Variants in CROCC2 observed in about 807,000 individuals in gnomAD.
CROCC2 encodes the protein ciliary rootlet coiled-coil protein 2.
CROCC2 carries 163 observed loss-of-function variants against 177.6 expected under a neutral mutation model. The observed-to-expected ratio is 0.92, with a 90% CI of 0.81 to 1.05. CROCC2 has a LOEUF of 1.05. CROCC2 is among the 50% of genes least tolerant of loss of function. The pLI is 0.00. For synonymous variants in CROCC2, 904 were observed against 787.3 expected, an observed-to-expected ratio of 1.15 and a Z score of -2.48; for missense variants, 1,929 against 1,797.8, an observed-to-expected ratio of 1.07 and a Z score of -1.32.
At chr2:240,959,672 A>C in intron 20 of CROCC2, 3 of 476,432 alleles carry the variant, frequency 6.3e-6, no homozygotes, top group Admixed American at 3.9e-5. Context: ...GGCAGATGAA[A>C]TGGTGCCTGG....
intron 28 of CROCC2, chr2:240,983,421 C>T: frequency 7.8e-7 from 1 of 1,282,516 alleles, no homozygotes; most frequent in Non-Finnish European, 1.0e-6. Context: ...GCGTCTTCGG[C>T]CCAGGTGCTC....
intron 15 of CROCC2, among the ~76,000 whole-genome samples, chr2:240,947,003 T>C (rs564617004): frequency 6.1e-4 from 93 of 152,380 alleles, no homozygotes; most frequent in African/African-American, 2.2e-3. Context: ...TGTAGGCTGT[T>C]GCCTGGTGAT....
intron 18 of CROCC2, among the ~76,000 whole-genome samples, chr2:240,952,511 T>A (rs2059563222): frequency 2.0e-5 from 3 of 152,244 alleles, no homozygotes. Flanking sequence ...GGTTGTGCAG[T>A]GCACCTGCTG....
rs1294494043 is a variant in CROCC2 at position 240,918,889 on chromosome 2, G to A, written c.229+13G>A. On this transcript the variant is annotated intron_variant, in intron 2 of 31. Coordinates refer to ENST00000690015, the MANE Select transcript of CROCC2 (RefSeq NM_001351305.2). The surrounding 1 kb of genome is among the most constrained non-coding windows in gnomAD (Gnocchi z 6.3). ...GAGCCACCCCAAGGTGATGGTGTGG[G>A]GGACAGTCCTGGGCCCGGGGCTGGC... The A allele has an allele frequency of 2.9e-6, 2 of 682,706 alleles. No individual in the cohort carries two copies. The highest frequency in any genetic ancestry group is 1.6e-5 in the South Asian group (1 of 63,644). 42.3% of individuals were successfully genotyped at this position (682,706 alleles called of 1,614,324 possible).
chr2:240,984,718 G>A (rs1321156312), intron 28 of CROCC2, among the ~76,000 whole-genome samples: 1 of 36,456 alleles, frequency 2.7e-5, no homozygotes, highest in African/African-American at 1.3e-4. Flanking sequence ...CACACACCCA[G>A]GCACTCAATC....
chr2:240,917,613 T>A lies in CROCC2; in HGVS notation c.79-1113T>A, dbSNP rs528198410. Among the ~76,000 whole-genome samples, 61 of 152,094 alleles carry A rather than the reference T, an allele frequency of 4.0e-4. No homozygotes were observed. The highest frequency in any genetic ancestry group is 7.4e-4 in the Non-Finnish European group (50 of 67,974). ...GGACCCCAGGGAGAGGGGTCCTCTG[T>A]GCTGGCGTGGGAGCCAGGCAAGGAG... On this transcript the variant is annotated intron_variant, in intron 1 of 31. Transcript: ENST00000690015. The surrounding 1 kb of genome is among the most constrained non-coding windows in gnomAD (Gnocchi z 4.9).
At chr2:240,935,098 A>G (rs1479510241) in intron 13 of CROCC2, 36 bp downstream of exon 13, 1 of 1,323,808 alleles carries the variant, frequency 7.6e-7, no homozygotes, top group Non-Finnish European at 9.7e-7. Flanking sequence ...CCTCGCTGGA[A>G]CCTGTTTCCC....
At chr2:240,983,419 G>A (rs556082765) in intron 28 of CROCC2, 3 of 1,283,130 alleles carry the variant, frequency 2.3e-6, no homozygotes, top group Admixed American at 2.4e-5. Flanking sequence ...CAGCGTCTTC[G>A]GCCCAGGTGC....
Position 240,949,074 on chromosome 2 carries a change from G to T in CROCC2, c.2459G>T (p.Gly820Val). 1.3e-6 allele frequency: 2 copies of T among 1,546,588 alleles called. No homozygotes were observed. Among genetic ancestry groups the T allele is most frequent in the Non-Finnish European group, 1.7e-6 (2 of 1,145,818 alleles). ...EQLEEEARSAGLARQALQVEM... is the reference protein window; with the variant it reads ...EQLEEEARSAVLARQALQVEM... The stretch of plus-strand genomic sequence containing the variant: ...CTGGAGGAGGAAGCCCGGAGCGCAG[G>T]ACTCGCGCGGCAGGCCTTGCAAGGT... Residue 820 changes from glycine (G) to valine (V), a missense_variant, in exon 16 of 32, where the codon GGA becomes GTA. This residue lies in a region of CROCC2 where 1,397 missense variants were observed against 1,239.9 expected (regional missense o/e 1.13). Coordinates refer to ENST00000690015, the MANE Select transcript of CROCC2 (RefSeq NM_001351305.2). The surrounding 1 kb of genome is among the most constrained non-coding windows in gnomAD (Gnocchi z 4.5).
chr2:240,962,997 A>T (rs566966634), intron 20 of CROCC2, among the ~76,000 whole-genome samples: 5 of 152,130 alleles, frequency 3.3e-5, no homozygotes, highest in Non-Finnish European at 5.9e-5. Flanking sequence ...CTCCCATGCC[A>T]ACGGGGGAAG....
At chr2:240,962,724 G>T (rs559844220) in intron 20 of CROCC2, among the ~76,000 whole-genome samples, 2 of 152,184 alleles carry the variant, frequency 1.3e-5, no homozygotes, top group African/African-American at 4.8e-5. Flanking sequence ...CACGAGAGCC[G>T]GAATGGAGCC....
At chr2:240,930,066 C>G (rs1574755709) in intron 5 of CROCC2, 100 bp from the exon 6 acceptor site, 1 of 520,252 alleles carries the variant, frequency 1.9e-6, no homozygotes, top group Non-Finnish European at 3.5e-6. Context: ...GGGTCCACTT[C>G]CAGCCCCCAT....
At chr2:240,976,113 C>A (rs1291142058) in intron 27 of CROCC2, among the ~76,000 whole-genome samples, 3 of 152,256 alleles carry the variant, frequency 2.0e-5, no homozygotes, top group African/African-American at 7.2e-5. Context: ...ACTGCAGCCC[C>A]ACATGCTGGC....
In CROCC2 at chr2:240,959,398, A is replaced by G; in HGVS notation, c.3041A>G (p.Glu1014Gly). The part of the protein sequence containing the change: ...AHQRETTALR[E>G]SLQDLAAERG... The stretch of plus-strand genomic sequence containing the variant: ...CAGAGGGAGACCACGGCCCTACGCG[A>G]GAGCCTCCAGGACCTAGCGGCTGAG... The change falls in exon 20 of 32, where the codon GAG (glutamate) becomes GGG (glycine). Residue 1014 changes from glutamate to glycine, a missense_variant. Physicochemically the swap from Glu to Gly is moderately conservative, Grantham distance 98. Around this residue, in one of 3 missense-constraint regions of CROCC2, gnomAD observed 1,397 missense variants for 1,239.9 expected, o/e 1.13. Transcript: ENST00000690015. The G allele has an allele frequency of 6.4e-7, 1 of 1,550,468 alleles. No homozygotes were observed. Among genetic ancestry groups the G allele is most frequent in the Non-Finnish European group, 8.7e-7 (1 of 1,146,894 alleles).
chr2:240,973,598 G>A lies in CROCC2; in HGVS notation c.4401+5336G>A, dbSNP rs2059738260. On this transcript the variant is annotated intron_variant, in intron 27 of 31. Transcript: ENST00000690015. The surrounding 1 kb of genome is among the most constrained non-coding windows in gnomAD (Gnocchi z 4.7). ...TGCCAGCCTTGCAGGTCACCCGCCT[G>A]TGGGGGCTCAACTCAGCGTCAGTCA... 6.6e-6 allele frequency among the ~76,000 whole-genome samples: 1 copy of A among 152,020 alleles called. No individual in the cohort carries two copies. Among genetic ancestry groups the A allele is most frequent in the African/African-American group, 2.4e-5 (1 of 41,402 alleles).
Position 240,922,563 on chromosome 2 carries a change from G to C in CROCC2, c.406G>C (p.Glu136Gln). 1 of 695,204 alleles carries C rather than the reference G, an allele frequency of 1.4e-6. No individual in the cohort carries two copies. Among genetic ancestry groups the C allele is most frequent in the Non-Finnish European group, 2.7e-6 (1 of 371,494 alleles). The allele number at this position is 695,204 out of a possible 1,614,324, so 43.1% of individuals were successfully genotyped here. A position where few individuals can be genotyped will look rare whatever the true frequency, so the allele number is the denominator to read the frequency against. The change falls in exon 4 of 32, where the codon GAG (glutamate) becomes CAG (glutamine). Residue 136 changes from glutamate (E) to glutamine (Q), a missense_variant. This residue lies in a region of CROCC2 where 1,397 missense variants were observed against 1,239.9 expected (regional missense o/e 1.13). Coordinates refer to ENST00000690015, the MANE Select transcript of CROCC2 (RefSeq NM_001351305.2). ...EQLQARLETT[E>Q]AQLRRSELEH... ...GCTGCAGGCCCGGCTGGAGACCACCGAGGCTCAGCTGCGGAGGTCAGAGCT... is the reference window on the plus strand; with the variant it reads ...GCTGCAGGCCCGGCTGGAGACCACCCAGGCTCAGCTGCGGAGGTCAGAGCT...
chr2:240,925,042 C>T (rs1166770001), intron 4 of CROCC2, among the ~76,000 whole-genome samples: 1 of 150,960 alleles, frequency 6.6e-6, no homozygotes, highest in Non-Finnish European at 1.5e-5. Flanking sequence ...CAGCCCTGCA[C>T]AGCAACCAAG....
intron 26 of CROCC2, 168 bp downstream of exon 26, chr2:240,967,633 C>T: frequency 1.0e-6 from 1 of 961,216 alleles, no homozygotes; most frequent in Non-Finnish European, 1.2e-6. Context: ...TGGGTCAGCG[C>T]TTGGCATCGG....
chr2:240,926,720 G>C (rs988601117), intron 5 of CROCC2, among the ~76,000 whole-genome samples: 26 of 152,252 alleles, frequency 1.7e-4, no homozygotes, highest in African/African-American at 6.3e-4. Context: ...CGCCCCCGAG[G>C]TCCCAGCCCC....
Sources: gnomAD v4.1 joint callset for allele counts (sites outside exome capture counted in the v4.1 genomes callset) on GRCh38, gnomAD v4.1.1 for gene constraint, gnomAD v4.1.1 regional missense constraint, Gnocchi (gnomAD v3.1) non-coding constraint, MANE v1.5 for transcripts, NCBI Gene and HGNC (gene_info 2026-07-23, HGNC 2026-07-21) for gene names.